Variants in SRRT observed in about 807,000 individuals in gnomAD.
SRRT encodes serrate, RNA effector molecule, also known as serrate RNA effector molecule homolog.
A neutral mutation model predicts 103.2 loss-of-function variants in SRRT; 32 were observed. The observed-to-expected ratio is 0.31, with a 90% confidence interval of 0.23 to 0.42. SRRT has a LOEUF of 0.42. SRRT is among the 10% of genes least tolerant of loss of function. The probability of loss-of-function intolerance (pLI) is 1.00; values close to 1 mark genes in which losing one functional copy is unlikely to be tolerated. For missense variants in SRRT, 986 were observed against 1,207.5 expected (o/e 0.82, Z 2.72); for synonymous variants, 525 against 449.0 (o/e 1.17, Z -2.14).
intron 2 of SRRT, among the ~76,000 whole-genome samples, chr7:100,877,419 C>CAAAAAAAAAA (rs869150232): frequency 1.4e-5 from 1 of 69,054 alleles, no homozygotes; most frequent in Non-Finnish European, 2.6e-5. Flanking sequence ...GACTCTGTCT[C>CAAAAAAAAAA]AAAAAAAAAA....
In SRRT at chr7:100,885,926, C is replaced by T. The variant is rs1206706045; in HGVS notation, c.1443C>T (p.Asn481=). ...TTAACATTAAAGAGATCTGTTGGAA[C>T]CTGCAGAACATCCGTGTGAGTGCTG... ...RSVNIKEICW[N]LQNIRLRECE... is the part of the protein sequence containing the mutation. Residue 481 remains asparagine (N), a synonymous_variant, in exon 12 of 20, where the codon AAC becomes AAT. Transcript: ENST00000611405. The surrounding 1 kb of genome is among the most constrained non-coding windows in gnomAD (Gnocchi z 4.8). The T allele has an allele frequency of 1.9e-6, 3 of 1,614,052 alleles. No homozygotes were observed. Among genetic ancestry groups the T allele is most frequent in the Admixed American group, 1.7e-5 (1 of 60,012 alleles).
In SRRT at chr7:100,887,100, C is replaced by A; in HGVS notation, c.1875C>A (p.Tyr625Ter). ...YLRIVHSLDY[Y>*]NTCEYPNEDE... ...GCATCGTGCATTCCTTGGATTATTA[C>A]AACACCTGTGAGTACCCCAACGAGG... The change falls in exon 15 of 20, where the codon TAC becomes TAA. Residue 625 changes from tyrosine (Y) to a stop codon, truncating the protein, a stop_gained. Coordinates refer to ENST00000611405, the MANE Select transcript of SRRT (RefSeq NM_015908.6). LOFTEE classifies it high-confidence loss of function. This position sits in a 1 kb window ranked among gnomAD's most constrained non-coding sequence, Gnocchi z 4.1. The A allele has an allele frequency of 6.2e-7, 1 of 1,614,240 alleles. No homozygotes were observed. The highest frequency in any genetic ancestry group is 8.5e-7 in the Non-Finnish European group (1 of 1,180,052).
At chr7:100,881,095 G>A (rs1816262799) in intron 2 of SRRT, among the ~76,000 whole-genome samples, 190 bp from the exon 3 acceptor site, 1 of 124,974 alleles carries the variant, frequency 8.0e-6, no homozygotes, top group African/African-American at 3.1e-5. Flanking sequence ...TTTAATTATT[G>A]TTACCTTTTT....
chr7:100,877,160 C>T (rs2115709033), intron 2 of SRRT, among the ~76,000 whole-genome samples: 1 of 151,256 alleles, frequency 6.6e-6, no homozygotes, highest in Admixed American at 6.6e-5. Flanking sequence ...CAGTGGCTCA[C>T]ACCTGAAATC....
chr7:100,886,470 A>C, intron 13 of SRRT, 35 bp downstream of exon 13: 1 of 1,579,026 alleles, frequency 6.3e-7, no homozygotes, highest in Middle Eastern at 2.2e-4. Flanking sequence ...GTCAGAAGCA[A>C]CTGGTAGTGC....
rs775925389 is a variant in SRRT at position 100,884,052 on chromosome 7, C to G, written c.588-18C>G. The stretch of plus-strand genomic sequence containing the variant: ...TCCAATAACTGTTTTGTCTTTCCCT[C>G]CCCCGCTTCGTTCCCAGGTTTCGGT... On this transcript the variant is annotated intron_variant, in intron 5 of 19. Transcript: ENST00000611405. 7.0e-6 allele frequency: 11 copies of G among 1,565,154 alleles called. No individual in the cohort carries two copies. Among genetic ancestry groups the G allele is most frequent in the Admixed American group, 6.4e-5 (3 of 47,064 alleles).
At position 100,884,177 on chromosome 7, in the gene SRRT, G is replaced by C; in HGVS notation, c.695G>C (p.Trp232Ser). The C allele has an allele frequency of 6.2e-7, 1 of 1,614,118 alleles. No individual in the cohort carries two copies. The highest frequency in any genetic ancestry group is 1.1e-5 in the South Asian group (1 of 91,064). The change falls in exon 6 of 20, where the codon TGG (tryptophan) becomes TCG (serine). Residue 232 changes from tryptophan (W) to serine (S), a missense_variant. Around this residue, in one of 6 missense-constraint regions of SRRT, gnomAD observed 274 missense variants for 358.5 expected, o/e 0.76. Coordinates refer to ENST00000611405, the MANE Select transcript of SRRT (RefSeq NM_015908.6). Reference sequence around the variant, plus strand: ...TTCCTGTCCCTCATGGAGACTGGCTGGTTTGATAACCTTCTCCTGGACATA... The same window carrying C: ...TTCCTGTCCCTCATGGAGACTGGCTCGTTTGATAACCTTCTCCTGGACATA... ...RVFLSLMETG[W>S]FDNLLLDIDK... is the part of the protein sequence containing the mutation.
intron 13 of SRRT, 128 bp downstream of exon 13, chr7:100,886,563 C>G: frequency 9.4e-7 from 1 of 1,068,764 alleles, no homozygotes; most frequent in Non-Finnish European, 1.3e-6. Context: ...TTTGCCCCTT[C>G]GTGTGTGGGT....
At position 100,884,520 on chromosome 7, in the gene SRRT, G is replaced by A. The variant is rs896313092; in HGVS notation, c.910G>A (p.Asp304Asn). Residue 304 changes from aspartate (D) to asparagine (N), a missense_variant, in exon 7 of 20, where the codon GAC (aspartate) becomes AAC (asparagine). Transcript: ENST00000611405. ...GLGDGERKTN[D>N]KDEKKEDGKQ... ...AGGGGACGGGGAGCGCAAAACCAAC[G>A]ACAAGGATGAGAAGAAGGAAGACGG... 3.1e-5 allele frequency: 49 copies of A among 1,572,956 alleles called. No homozygotes were observed. Among genetic ancestry groups the A allele is most frequent in the Non-Finnish European group, 4.0e-5 (46 of 1,155,492 alleles).
intron 5 of SRRT, chr7:100,883,108 G>T: frequency 6.6e-6 from 1 of 152,502 alleles, no homozygotes. Flanking sequence ...TCCTGGAGGT[G>T]ATGCCTGCGG....
Position 100,886,432 on chromosome 7 carries a change from C to T in SRRT, c.1644C>T (p.Pro548=), listed in dbSNP as rs1483513759. ...WASEPGTPPL[P]TSLPSQNPIL... is the part of the protein sequence containing the mutation. ...CAGAACCAGGGACGCCTCCCCTGCCCACGGTCAGTGACTCCCCAAAGGACT... is the reference window on the plus strand; with the variant it reads ...CAGAACCAGGGACGCCTCCCCTGCCTACGGTCAGTGACTCCCCAAAGGACT... The change falls in exon 13 of 20, where the codon CCC becomes CCT. Residue 548 remains proline (P), a synonymous_variant. Transcript: ENST00000611405. 3.7e-6 allele frequency: 6 copies of T among 1,610,554 alleles called. No homozygotes were observed. The South Asian group carries it at 5.5e-5, about 15-fold the overall frequency.
At position 100,882,078 on chromosome 7, in the gene SRRT, C is replaced by T. The variant is rs750263812; in HGVS notation, c.424C>T (p.Leu142=). The T allele has an allele frequency of 4.3e-5, 69 of 1,613,920 alleles. No individual in the cohort carries two copies. The highest frequency in any genetic ancestry group is 8.8e-5 in the South Asian group (8 of 91,074). ...ARLGSIAEID[L]GVPPPVMKTF... ...GCTGGGCAGCATTGCAGAGATTGAC[C>T]TGGGTGTGCCGCCGCCCGTGATGAA... Residue 142 remains leucine (L), a synonymous_variant, in exon 5 of 20, where the codon CTG becomes TTG. Transcript: ENST00000611405. This position sits in a 1 kb window ranked among gnomAD's most constrained non-coding sequence, Gnocchi z 4.2.
At chr7:100,880,318 G>A (rs1166130864) in intron 2 of SRRT, among the ~76,000 whole-genome samples, 1 of 152,022 alleles carries the variant, frequency 6.6e-6, no homozygotes, top group Admixed American at 6.6e-5. Context: ...TTTTTTGGTG[G>A]GGGGGATGAA....
intron 4 of SRRT, 106 bp from the exon 5 acceptor site, chr7:100,881,947 G>A: frequency 6.8e-7 from 1 of 1,479,384 alleles, no homozygotes; most frequent in Non-Finnish European, 9.1e-7. Context: ...TGGGGTTTGG[G>A]GTGATGTCCA....
At position 100,887,325 on chromosome 7, in the gene SRRT, G is replaced by C. The variant is rs773741115; in HGVS notation, c.1981G>C (p.Glu661Gln). The C allele has an allele frequency of 1.2e-5, 20 of 1,613,684 alleles. No individual in the cohort carries two copies. The highest frequency in any genetic ancestry group is 1.6e-5 in the Non-Finnish European group (19 of 1,179,796). The stretch of plus-strand genomic sequence containing the variant: ...CCTCTGTTCCCAAACCACAGTGCTG[G>C]AGTGGCAGAAGACTTTTGAGGAGAA... Reference protein sequence around the residue: ...PNRISHGEVLEWQKTFEEKLT... With the variant: ...PNRISHGEVLQWQKTFEEKLT... Residue 661 changes from glutamate (E) to glutamine (Q), a missense_variant, in exon 16 of 20, where the codon GAG becomes CAG. Coordinates refer to ENST00000611405, the MANE Select transcript of SRRT (RefSeq NM_015908.6). This position sits in a 1 kb window ranked among gnomAD's most constrained non-coding sequence, Gnocchi z 4.1.
chr7:100,885,797 G>T lies in SRRT; in HGVS notation c.1379+35G>T. On this transcript the variant is annotated intron_variant, in intron 11 of 19. Transcript: ENST00000611405. The surrounding 1 kb of genome is among the most constrained non-coding windows in gnomAD (Gnocchi z 4.8). ...TCGGTGCGTTGGAGGGAAAAGTGCAGGGGAACGTTAATGGCCAACACCAAC... is the reference window on the plus strand; with the variant it reads ...TCGGTGCGTTGGAGGGAAAAGTGCATGGGAACGTTAATGGCCAACACCAAC... 1 of 1,613,852 alleles carries T rather than the reference G, an allele frequency of 6.2e-7. No homozygotes were observed. The highest frequency in any genetic ancestry group is 8.5e-7 in the Non-Finnish European group (1 of 1,179,736).
At chr7:100,878,655 T>C (rs969026924) in intron 2 of SRRT, among the ~76,000 whole-genome samples, 1 of 151,522 alleles carries the variant, frequency 6.6e-6, no homozygotes, top group East Asian at 1.9e-4. Context: ...CTACAGTTAA[T>C]CTGAAAAGGC....
At position 100,887,537 on chromosome 7, in the gene SRRT, G is replaced by C. The variant is rs375490568; in HGVS notation, c.2169+24G>C. On this transcript the variant is annotated intron_variant, in intron 16 of 19. Coordinates refer to ENST00000611405, the MANE Select transcript of SRRT (RefSeq NM_015908.6). The surrounding 1 kb of genome is among the most constrained non-coding windows in gnomAD (Gnocchi z 4.1). The stretch of plus-strand genomic sequence containing the variant: ...AGGTGTGGGATGTTGGAGAATGGCC[G>C]TGCTACGGTGGTGGGAGGTGGGGTT... 25 of 1,609,702 alleles carry C rather than the reference G, an allele frequency of 1.6e-5. No individual in the cohort carries two copies. Among genetic ancestry groups the C allele is most frequent in the Non-Finnish European group, 2.0e-5 (24 of 1,177,216 alleles).
In SRRT at chr7:100,887,852, C is replaced by T. The variant is rs568329863; in HGVS notation, c.2319C>T (p.Pro773=). ...PEIKPAQPPG[P]AQILPPGLTP... ...TCAAGCCAGCCCAGCCACCTGGCCC[C>T]GCCCAGAGTAAGATACGATCCATGA... The change falls in exon 17 of 20, where the codon CCC becomes CCT. Residue 773 remains proline (P), a synonymous_variant. Coordinates refer to ENST00000611405, the MANE Select transcript of SRRT (RefSeq NM_015908.6). This position sits in a 1 kb window ranked among gnomAD's most constrained non-coding sequence, Gnocchi z 4.1. 35 of 1,603,636 alleles carry T rather than the reference C, an allele frequency of 2.2e-5. No homozygotes were observed. Among genetic ancestry groups the T allele is most frequent in the South Asian group, 7.7e-5 (7 of 90,898 alleles).
Sources: gnomAD v4.1 joint callset for allele counts (sites outside exome capture counted in the v4.1 genomes callset) on GRCh38, gnomAD v4.1.1 for gene constraint, gnomAD v4.1.1 regional missense constraint, Gnocchi (gnomAD v3.1) non-coding constraint, MANE v1.5 for transcripts, NCBI Gene and HGNC (gene_info 2026-07-23, HGNC 2026-07-21) for gene names.